Variants in GPHN observed in about 807,000 individuals in gnomAD.
GPHN encodes gephyrin.
GPHN carries 17 observed loss-of-function variants against 95.5 expected under a neutral mutation model. The ratio of observed to expected loss-of-function variants is 0.18; its 90% confidence interval spans 0.12 to 0.27. The LOEUF (loss-of-function observed/expected upper bound fraction) is 0.27, where lower values mean the gene tolerates loss of function less well. Among genes scored for constraint, GPHN ranks in the 10% least tolerant of loss-of-function variants. The pLI, the probability that GPHN is intolerant of heterozygous loss-of-function variation, is 1.00. For missense variants in GPHN, 660 were observed against 978.1 expected (o/e 0.67, Z 4.34); for synonymous variants, 320 against 322.5 (o/e 0.99, Z 0.08).
chr14:67,325,273 C>CT, the GPHN span, among the ~76,000 whole-genome samples: 1 of 152,100 alleles, frequency 6.6e-6, no homozygotes, highest in Admixed American at 6.5e-5. Context: ...TCCAAAATAT[C>CT]TTTTTTCACT....
chr14:66,605,667 G>GT (rs2062492608), intron 1 of GPHN, among the ~76,000 whole-genome samples: 1 of 151,368 alleles, frequency 6.6e-6, no homozygotes, highest in Non-Finnish European at 1.5e-5. Context: ...GTAGCTGGGA[G>GT]TATAGGTGCC....
chr14:66,627,604 T>C (rs1275028242), intron 1 of GPHN, among the ~76,000 whole-genome samples: 3 of 152,110 alleles, frequency 2.0e-5, no homozygotes, highest in Non-Finnish European at 4.4e-5. Flanking sequence ...ATATAAACTT[T>C]TAAACATTTT....
chr14:67,289,829 G>A, the GPHN span, among the ~76,000 whole-genome samples: 1 of 145,674 alleles, frequency 6.9e-6, no homozygotes, highest in Non-Finnish European at 1.5e-5. Context: ...GGAGTGCAGT[G>A]GCACTATCTC....
At chr14:66,614,291 C>G (rs960939655) in intron 1 of GPHN, among the ~76,000 whole-genome samples, 1 of 152,052 alleles carries the variant, frequency 6.6e-6, no homozygotes, top group South Asian at 2.1e-4. Context: ...CCAGATCAAA[C>G]GAGTAAGAGG....
intron 1 of GPHN, among the ~76,000 whole-genome samples, chr14:66,551,652 G>T (rs772709624): frequency 4.6e-5 from 7 of 152,188 alleles, no homozygotes; most frequent in Non-Finnish European, 8.8e-5. Flanking sequence ...AAGAAAAGAG[G>T]TTTAATTGGC....
chr14:67,295,110 T>TGTGTGTGC, the GPHN span: 23,046 of 150,018 alleles, frequency 0.15, 3,292 homozygotes, highest in East Asian at 0.38. Flanking sequence ...TTGAAGTGTG[T>TGTGTGTGC]GTGTGTGTGT....
At chr14:67,362,702 G>A in the GPHN span, among the ~76,000 whole-genome samples, 3 of 152,072 alleles carry the variant, frequency 2.0e-5, no homozygotes, top group South Asian at 6.2e-4. Context: ...ATAAAGAGGT[G>A]AAGTCACCTA....
At chr14:67,382,284 G>C in the GPHN span, 3 of 500,264 alleles carry the variant, frequency 6.0e-6, no homozygotes, top group Non-Finnish European at 1.0e-5. Context: ...ACCCCAAAAC[G>C]TAATTGCCAA....
At chr14:66,827,283 CAA>C (rs1214931662) in intron 4 of GPHN, among the ~76,000 whole-genome samples, 4 of 133,968 alleles carry the variant, frequency 3.0e-5, no homozygotes, top group African/African-American at 2.7e-5. Flanking sequence ...GACCCTGTCT[CAA>C]AAAAAAAAAG....
At chr14:67,326,609 A>T in the GPHN span, among the ~76,000 whole-genome samples, 4 of 152,092 alleles carry the variant, frequency 2.6e-5, no homozygotes, top group Non-Finnish European at 2.9e-5. Context: ...TAGTTTTCTT[A>T]TGCCCCTTTG....
the GPHN span, among the ~76,000 whole-genome samples, chr14:67,484,473 A>G: frequency 2.0e-5 from 3 of 152,262 alleles, no homozygotes; most frequent in African/African-American, 7.2e-5. Flanking sequence ...TAAAAGCAAC[A>G]TGTGCTCACA....
the GPHN span, among the ~76,000 whole-genome samples, chr14:67,731,207 C>CTTTTTTT: frequency 1.0e-3 from 95 of 90,554 alleles, no homozygotes; most frequent in African/African-American, 2.1e-3. Flanking sequence ...TTCTTTCTTT[C>CTTTTTTT]TTTTTTTTTT....
intron 2 of GPHN, among the ~76,000 whole-genome samples, chr14:66,702,174 C>T (rs938559208): frequency 2.6e-5 from 4 of 152,170 alleles, no homozygotes; most frequent in Admixed American, 6.5e-5. Flanking sequence ...GGGAAGGAGT[C>T]GCCACAGTCT....
At chr14:66,951,953 CT>C (rs1332295683) in intron 8 of GPHN, among the ~76,000 whole-genome samples, 29 of 151,524 alleles carry the variant, frequency 1.9e-4, no homozygotes, top group African/African-American at 6.8e-4. Flanking sequence ...AACTATAAAG[CT>C]TTTATAGATT....
intron 1 of GPHN, among the ~76,000 whole-genome samples, chr14:66,574,761 G>A (rs2060838952): frequency 2.0e-5 from 3 of 152,186 alleles, no homozygotes. Context: ...ACCATGGGCT[G>A]GTAGAGAACA....
chr14:66,765,968 C>T (rs2058948638), intron 2 of GPHN, among the ~76,000 whole-genome samples: 1 of 152,100 alleles, frequency 6.6e-6, no homozygotes, highest in African/African-American at 2.4e-5. Context: ...TCTATGAAAA[C>T]TAGCTAGAAT....
the GPHN span, among the ~76,000 whole-genome samples, chr14:67,715,560 T>C: frequency 6.6e-6 from 1 of 152,222 alleles, no homozygotes; most frequent in Non-Finnish European, 1.5e-5. Flanking sequence ...GGCCCTCTTT[T>C]ATTTAAAAAA....
intron 1 of GPHN, among the ~76,000 whole-genome samples, chr14:66,634,813 T>C (rs1209376602): frequency 2.6e-5 from 4 of 152,232 alleles, no homozygotes; most frequent in African/African-American, 9.6e-5. Context: ...TCTTCACTCC[T>C]GCTGCTGATT....
the GPHN span, chr14:67,646,519 G>C: frequency 1.4e-6 from 1 of 707,384 alleles, no homozygotes; most frequent in Non-Finnish European, 2.5e-6. Flanking sequence ...TGTGTCCTGT[G>C]TTGCTCTAAA....
Sources: allele counts gnomAD v4.1 joint callset (sites outside exome capture counted in the v4.1 genomes callset), GRCh38; gene constraint gnomAD v4.1.1; transcripts MANE v1.5; gene names NCBI Gene and HGNC (gene_info 2026-07-23, HGNC 2026-07-21).